Variants in HMGN3 observed in about 807,000 individuals in gnomAD.
HMGN3 encodes high mobility group nucleosomal binding domain 3, also known as high mobility group nucleosome-binding domain-containing protein 3.
HMGN3 carries 6 observed loss-of-function variants against 18.8 expected under a neutral mutation model. That is an observed-to-expected ratio of 0.32 (90% CI 0.18 to 0.63). The LOEUF (loss-of-function observed/expected upper bound fraction) is 0.63. Among genes scored for constraint, HMGN3 ranks in the 30% least tolerant of loss-of-function variants. HMGN3 has a pLI of 0.79. For missense variants in HMGN3, 107 were observed against 114.2 expected (o/e 0.94, Z 0.29); for synonymous variants, 40 against 36.5 (o/e 1.10, Z -0.35).
chr6:79,226,315 G>C (rs1777566636), intron 1 of HMGN3, among the ~76,000 whole-genome samples: 1 of 152,176 alleles, frequency 6.6e-6, no homozygotes, highest in Non-Finnish European at 1.5e-5. Context: ...GGTGCTGTGG[G>C]GAAGTCTGTT....
At chr6:79,202,705 T>C (rs1776205379) in intron 4 of HMGN3, among the ~76,000 whole-genome samples, 2 of 152,064 alleles carry the variant, frequency 1.3e-5, no homozygotes, top group African/African-American at 2.4e-5. Context: ...GGTTCTGCCA[T>C]GGAGAGAGCA....
chr6:79,228,999 G>C (rs1324349398), intron 1 of HMGN3, among the ~76,000 whole-genome samples: 4 of 152,226 alleles, frequency 2.6e-5, no homozygotes, highest in African/African-American at 9.6e-5. Context: ...AGAAAGGATG[G>C]TCTTTTCAAC....
intron 5 of HMGN3, 137 bp from the exon 7 acceptor site, chr6:79,201,863 T>TC (rs1439421216): frequency 6.9e-7 from 1 of 1,459,174 alleles, no homozygotes; most frequent in East Asian, 2.5e-5. Flanking sequence ...AAAACCTATT[T>TC]CAACTCTGAG....
At position 79,202,261 on chromosome 6, in the gene HMGN3, A is replaced by G. The variant is rs372518900; in HGVS notation, c.261+15T>C. The G allele has an allele frequency of 1.0e-4, 169 of 1,613,928 alleles. No individual in the cohort carries two copies. The highest frequency in any genetic ancestry group is 1.1e-4 in the Non-Finnish European group (129 of 1,180,006). Reference sequence around the variant, plus strand: ...GACACTGATTCAATCAGTGGGAGGTATTTATGGAAAGTACCTCTTCAGCTT... The same window carrying G: ...GACACTGATTCAATCAGTGGGAGGTGTTTATGGAAAGTACCTCTTCAGCTT... On this transcript the variant is annotated intron_variant, in intron 5 of 5. Transcript: ENST00000344726.
chr6:79,203,892 C>T (rs930721751), intron 3 of HMGN3, among the ~76,000 whole-genome samples: 3 of 152,194 alleles, frequency 2.0e-5, no homozygotes, highest in Non-Finnish European at 2.9e-5. Flanking sequence ...AATAGCTCTC[C>T]GGGAACAGGT....
At chr6:79,203,898 C>A (rs1776276172) in intron 3 of HMGN3, among the ~76,000 whole-genome samples, 1 of 152,224 alleles carries the variant, frequency 6.6e-6, no homozygotes, top group South Asian at 2.1e-4. Context: ...TCTCCGGGAA[C>A]AGGTCTAAGC....
In HMGN3 at chr6:79,215,026, GA is replaced by G; in HGVS notation, c.16-5del. 1 of 1,478,708 alleles carries G rather than the reference GA, an allele frequency of 6.8e-7. No individual in the cohort carries two copies. The highest frequency in any genetic ancestry group is 9.2e-7 in the Non-Finnish European group (1 of 1,083,926). 91.6% of individuals were successfully genotyped at this position (1,478,708 alleles called of 1,614,324 possible). The stretch of plus-strand genomic sequence containing the variant: ...TGCCCTCTGTATTCTCTGGAGACTA[GA>G]AAGAAAATATTTCAGTGAATTGTAT... On this transcript the variant is annotated splice_polypyrimidine_tract_variant and splice_region_variant and intron_variant, in intron 1 of 5. Coordinates refer to ENST00000344726, the Ensembl canonical transcript of HMGN3.
intron 1 of HMGN3, among the ~76,000 whole-genome samples, chr6:79,224,928 C>T (rs1313479617): frequency 6.6e-6 from 1 of 152,056 alleles, no homozygotes. Context: ...AATCAGCTGG[C>T]TGTAATGTGA....
chr6:79,229,831 TC>T (rs1203170382), intron 1 of HMGN3, among the ~76,000 whole-genome samples: 1 of 151,856 alleles, frequency 6.6e-6, no homozygotes, highest in Non-Finnish European at 1.5e-5. Flanking sequence ...TGAGCTGAGA[TC>T]GCGCTACTGC....
intron 1 of HMGN3, among the ~76,000 whole-genome samples, chr6:79,228,539 A>G (rs569393077): frequency 6.6e-6 from 1 of 152,218 alleles, no homozygotes; most frequent in Non-Finnish European, 1.5e-5. Context: ...GATTCAATTC[A>G]ATCTCTATCA....
intron 2 of HMGN3, among the ~76,000 whole-genome samples, chr6:79,214,348 C>T (rs187977077): frequency 7.0e-4 from 107 of 151,942 alleles, no homozygotes; most frequent in African/African-American, 2.5e-3. Flanking sequence ...ACTACAGGCG[C>T]CCACCACCAC....
chr6:79,233,934 C>A (rs1291934493), intron 1 of HMGN3: 1 of 152,624 alleles, frequency 6.6e-6, no homozygotes, highest in Non-Finnish European at 1.5e-5. Context: ...GCGGGTAGGT[C>A]CAGGCCGCCA....
intron 1 of HMGN3, 155 bp downstream of exon 1, chr6:79,234,391 C>A: frequency 1.5e-6 from 1 of 648,470 alleles, no homozygotes; most frequent in South Asian, 1.8e-5. Flanking sequence ...GAGAGAGGAA[C>A]GTCTGCAACA....
chr6:79,206,589 T>C (rs1199215836), intron 3 of HMGN3, among the ~76,000 whole-genome samples: 5 of 152,198 alleles, frequency 3.3e-5, no homozygotes, highest in African/African-American at 7.2e-5. Flanking sequence ...CAGGCAGACG[T>C]TGTTGCAGAG....
chr6:79,210,874 T>C (rs1042944415), intron 2 of HMGN3, among the ~76,000 whole-genome samples: 1 of 152,108 alleles, frequency 6.6e-6, no homozygotes, highest in African/African-American at 2.4e-5. Flanking sequence ...GAGAGCTCTT[T>C]GGGATTTCCA....
chr6:79,202,416 A>C, intron 4 of HMGN3, 27 bp from the exon 5 acceptor site: 1 of 1,542,660 alleles, frequency 6.5e-7, no homozygotes, highest in South Asian at 1.1e-5. Flanking sequence ...GCACAGTGAA[A>C]GAGAATGTTA....
intron 2 of HMGN3, among the ~76,000 whole-genome samples, chr6:79,210,811 T>C (rs915910407): frequency 6.6e-6 from 1 of 152,034 alleles, no homozygotes; most frequent in African/African-American, 2.4e-5. Flanking sequence ...TGCGACAATG[T>C]TGTTCCTCTC....
At chr6:79,223,374 G>A (rs1445088835) in intron 1 of HMGN3, among the ~76,000 whole-genome samples, 2 of 152,154 alleles carry the variant, frequency 1.3e-5, no homozygotes, top group African/African-American at 4.8e-5. Context: ...AGCTGGGCCG[G>A]GTGGCATATG....
chr6:79,225,213 C>T (rs1487752706), intron 1 of HMGN3, among the ~76,000 whole-genome samples: 1 of 151,974 alleles, frequency 6.6e-6, no homozygotes, highest in African/African-American at 2.4e-5. Flanking sequence ...CCACAGTTTC[C>T]ACCTAAGAAA....
Sources: gnomAD v4.1 joint callset for allele counts (sites outside exome capture counted in the v4.1 genomes callset) on GRCh38, gnomAD v4.1.1 for gene constraint, MANE v1.5 for transcripts, NCBI Gene and HGNC (gene_info 2026-07-23, HGNC 2026-07-21) for gene names.